Variants in BAIAP2L1 observed in about 807,000 individuals in gnomAD.
The protein encoded by BAIAP2L1 is BAR/IMD domain containing adaptor protein 2 like 1, also known as BAR/IMD domain-containing adapter protein 2-like 1.
Under a neutral mutation model 66.3 loss-of-function variants are expected in BAIAP2L1, and 35 were observed. That is an observed-to-expected ratio of 0.53 (90% CI 0.40 to 0.70). The LOEUF (loss-of-function observed/expected upper bound fraction) is 0.70. BAIAP2L1 is among the 30% of genes least tolerant of loss of function. The probability of loss-of-function intolerance (pLI) is 0.00; values close to 1 mark genes in which losing one functional copy is unlikely to be tolerated. For synonymous variants in BAIAP2L1, 269 were observed against 248.7 expected, an observed-to-expected ratio of 1.08 and a Z score of -0.77; for missense variants, 622 against 656.9, an observed-to-expected ratio of 0.95 and a Z score of 0.58.
chr7:98,378,602 T>A (rs1212668249), intron 1 of BAIAP2L1, among the ~76,000 whole-genome samples: 5 of 152,216 alleles, frequency 3.3e-5, no homozygotes, highest in Non-Finnish European at 7.3e-5. Flanking sequence ...GTTTACTCTC[T>A]GTCTCCTTGG....
intron 1 of BAIAP2L1, among the ~76,000 whole-genome samples, chr7:98,383,704 G>C (rs1802817646): frequency 6.6e-6 from 1 of 152,214 alleles, no homozygotes; most frequent in Non-Finnish European, 1.5e-5. Context: ...AGTAACATGT[G>C]AATGTGTGTA....
chr7:98,383,835 C>T (rs1194405687), intron 1 of BAIAP2L1, among the ~76,000 whole-genome samples: 3 of 152,100 alleles, frequency 2.0e-5, no homozygotes, highest in Non-Finnish European at 4.4e-5. Flanking sequence ...CCATCCTGGA[C>T]CCAGGAAACA....
Position 98,393,082 on chromosome 7 carries a change from CATATAT to C in BAIAP2L1, c.51+7714_51+7719del, listed in dbSNP as rs200044762. On this transcript the variant is annotated intron_variant, in intron 1 of 13. Coordinates refer to ENST00000005260, the MANE Select transcript of BAIAP2L1 (RefSeq NM_018842.5). Reference sequence around the variant, plus strand: ...ATGTACACATATATGTATACACACACATATATACATATATACGTGTACATATATGTA... The same window carrying C: ...ATGTACACATATATGTATACACACACACATATATACGTGTACATATATGTA... Among the ~76,000 whole-genome samples, 193 of 108,736 alleles carry C rather than the reference CATATAT, an allele frequency of 1.8e-3. 1 individual carries two copies. The highest frequency in any genetic ancestry group is 7.5e-3 in the African/African-American group (171 of 22,792). 71.3% of individuals were successfully genotyped at this position (108,736 alleles called of 152,430 possible).
intron 7 of BAIAP2L1, among the ~76,000 whole-genome samples, chr7:98,315,134 C>T (rs1017449777): frequency 6.7e-6 from 1 of 149,514 alleles, no homozygotes; most frequent in Non-Finnish European, 1.5e-5. Flanking sequence ...TACGTATGGA[C>T]TGATTGAGAC....
rs1012360248 is a variant in BAIAP2L1, at chr7:98,292,885, G to A, written c.*636C>T. 2.4e-5 allele frequency: 34 copies of A among 1,436,596 alleles called. No individual in the cohort carries two copies. Among genetic ancestry groups the A allele is most frequent in the African/African-American group, 1.0e-4 (7 of 69,628 alleles). The allele number at this position is 1,436,596 out of a possible 1,614,324, so 89.0% of individuals were successfully genotyped here. ...AAAAGGAGCTCTCGGAGGAGATTTC[G>A]TCGAGTGCTACGTGTGGCTGTGATA... On this transcript the variant is annotated 3_prime_UTR_variant, in exon 14 of 14. Coordinates refer to ENST00000005260, the MANE Select transcript of BAIAP2L1 (RefSeq NM_018842.5).
At position 98,310,462 on chromosome 7, in the gene BAIAP2L1, C is replaced by G. The variant is rs1800824944; in HGVS notation, c.938G>C (p.Arg313Thr). 1.3e-6 allele frequency: 2 copies of G among 1,599,106 alleles called. No individual in the cohort carries two copies. Among genetic ancestry groups the G allele is most frequent in the Admixed American group, 1.8e-5 (1 of 56,066 alleles). The change falls in exon 9 of 14, where the codon AGG becomes ACG. Residue 313 changes from arginine (R) to threonine (T), a missense_variant. Transcript: ENST00000005260. ...TCTCTTACCTGTTGAATTATTTACC[C>G]TTTGTGAATTCGGGGCAGCCGTGGC... ...NPATAAPNSQ[R>T]VNNSTGTSED...
At chr7:98,365,060 A>G (rs1376408435) in intron 1 of BAIAP2L1, among the ~76,000 whole-genome samples, 1 of 144,394 alleles carries the variant, frequency 6.9e-6, no homozygotes, top group Non-Finnish European at 1.5e-5. Flanking sequence ...GGTCTGCTGA[A>G]GTCAGCTGCC....
intron 1 of BAIAP2L1, among the ~76,000 whole-genome samples, chr7:98,393,301 CA>C (rs1395210906): frequency 6.6e-6 from 1 of 151,884 alleles, no homozygotes; most frequent in African/African-American, 2.4e-5. Flanking sequence ...CTCGGCCTCC[CA>C]CAGTGCTGGG....
At position 98,347,467 on chromosome 7, in the gene BAIAP2L1, T is replaced by G. The variant is rs528196481; in HGVS notation, c.214+7575A>C. On this transcript the variant is annotated intron_variant, in intron 3 of 13. Transcript: ENST00000005260. ...CTGCCTGTTTTTAAAATTAGTGAGT[T>G]AAATGTACCACTTAAGAAATTAGAA... Among the ~76,000 whole-genome samples the G allele has an allele frequency of 1.4e-4, 21 of 152,254 alleles. No homozygotes were observed. In the East Asian group the frequency reaches 4.1e-3, roughly 29 times the overall value.
intron 3 of BAIAP2L1, among the ~76,000 whole-genome samples, chr7:98,336,166 TAAGGGTTAA>T (rs1801612367): frequency 6.6e-6 from 1 of 151,632 alleles, no homozygotes; most frequent in Admixed American, 6.6e-5. Flanking sequence ...GAGAGGGGAA[TAAGGGTTAA>T]AAAAGTAACT....
intron 12 of BAIAP2L1, among the ~76,000 whole-genome samples, chr7:98,299,055 G>T (rs550519476): frequency 6.6e-6 from 1 of 152,002 alleles, no homozygotes; most frequent in South Asian, 2.1e-4. Flanking sequence ...TCCTCTTGTT[G>T]CCCAGGCTGG....
At chr7:98,323,813 A>C (rs1186831922) in intron 3 of BAIAP2L1, among the ~76,000 whole-genome samples, 1 of 152,236 alleles carries the variant, frequency 6.6e-6, no homozygotes, top group African/African-American at 2.4e-5. Flanking sequence ...CGGTCACAGA[A>C]AGGATTAACA....
At chr7:98,399,738 C>A (rs1165788368) in intron 1 of BAIAP2L1, among the ~76,000 whole-genome samples, 1 of 152,142 alleles carries the variant, frequency 6.6e-6, no homozygotes, top group African/African-American at 2.4e-5. Context: ...ACTAAACAGG[C>A]CACTAATCCT....
intron 1 of BAIAP2L1, among the ~76,000 whole-genome samples, chr7:98,367,916 G>A (rs1384708416): frequency 4.6e-5 from 7 of 151,068 alleles, no homozygotes; most frequent in Non-Finnish European, 7.4e-5. Context: ...GAGCCACCAC[G>A]CTTGGCCGGG....
intron 3 of BAIAP2L1, among the ~76,000 whole-genome samples, chr7:98,330,529 C>T (rs1481233751): frequency 4.6e-5 from 7 of 152,138 alleles, no homozygotes; most frequent in South Asian, 2.1e-4. Context: ...TGGTGGCGCA[C>T]GCCTGTAATC....
intron 8 of BAIAP2L1, among the ~76,000 whole-genome samples, chr7:98,310,982 G>A (rs577785394): frequency 6.6e-6 from 1 of 152,078 alleles, no homozygotes; most frequent in Non-Finnish European, 1.5e-5. Context: ...CACCATGACT[G>A]GCCACATTTC....
intron 3 of BAIAP2L1, among the ~76,000 whole-genome samples, chr7:98,354,285 T>C (rs1370253095): frequency 1.3e-5 from 2 of 151,956 alleles, no homozygotes; most frequent in Admixed American, 6.6e-5. Flanking sequence ...CACCTTCCCT[T>C]GGTGATGCCC....
intron 2 of BAIAP2L1, 119 bp from the exon 3 acceptor site, chr7:98,355,247 C>G: frequency 1.4e-6 from 1 of 727,308 alleles, no homozygotes; most frequent in Non-Finnish European, 2.4e-6. Flanking sequence ...TGGGCTGTGG[C>G]AGGTGTGGCT....
chr7:98,305,912 T>C (rs949646855), intron 11 of BAIAP2L1, among the ~76,000 whole-genome samples: 19 of 152,094 alleles, frequency 1.2e-4, no homozygotes, highest in African/African-American at 4.3e-4. Flanking sequence ...TTTCAAGCCA[T>C]GGGAGTGGAT....
Sources: gnomAD v4.1 joint callset for allele counts (sites outside exome capture counted in the v4.1 genomes callset) on GRCh38, gnomAD v4.1.1 for gene constraint, MANE v1.5 for transcripts, NCBI Gene and HGNC (gene_info 2026-07-23, HGNC 2026-07-21) for gene names.